Variants in IL17RD observed in about 807,000 individuals in gnomAD.
IL17RD encodes interleukin-17 receptor D.
Under a neutral mutation model 80.5 loss-of-function variants are expected in IL17RD, and 52 were observed. The observed-to-expected ratio is 0.65, with a 90% CI of 0.52 to 0.81. IL17RD has a LOEUF of 0.81. Among genes scored for constraint, IL17RD ranks in the 40% least tolerant of loss-of-function variants. IL17RD has a pLI of 0.00. For synonymous variants in IL17RD, 416 were observed against 391.8 expected (o/e 1.06, Z -0.73); for missense variants, 1,024 against 955.1 (o/e 1.07, Z -0.95).
At chr3:57,160,633 T>C (rs4602354) in intron 1 of IL17RD, among the ~76,000 whole-genome samples, 4 of 152,080 alleles carry the variant, frequency 2.6e-5, no homozygotes, top group Non-Finnish European at 5.9e-5. Flanking sequence ...CTTTTATCGG[T>C]CAGGGCTCTG....
At chr3:57,160,219 G>A (rs900879443) in intron 1 of IL17RD, among the ~76,000 whole-genome samples, 3 of 152,024 alleles carry the variant, frequency 2.0e-5, no homozygotes, top group Admixed American at 2.0e-4. Context: ...AATTGTTGAT[G>A]GGGTAGCCCC....
At position 57,101,325 on chromosome 3, in the gene IL17RD, A is replaced by G; in HGVS notation, c.1018T>C (p.Ser340Pro). The change falls in exon 11 of 13, where the codon TCT becomes CCT. Residue 340 changes from serine (S) to proline (P), a missense_variant. Ser to Pro is a moderately conservative substitution (Grantham distance 74, BLOSUM62 -1). Transcript: ENST00000296318. Reference sequence around the variant, plus strand: ...GGGAGTGCTGCAGTGTATGTGGAAGACTCAGAGCTCTCTTCATCTAAATGT... The same window carrying G: ...GGGAGTGCTGCAGTGTATGTGGAAGGCTCAGAGCTCTCTTCATCTAAATGT... ...YSHLDEESSESSTYTAALPRE... is the reference protein window; with the variant it reads ...YSHLDEESSEPSTYTAALPRE... 6.2e-7 allele frequency: 1 copy of G among 1,612,586 alleles called. No individual in the cohort carries two copies. The highest frequency in any genetic ancestry group is 8.5e-7 in the Non-Finnish European group (1 of 1,178,986).
At chr3:57,113,234 T>C (rs1335160739) in intron 3 of IL17RD, among the ~76,000 whole-genome samples, 2 of 152,130 alleles carry the variant, frequency 1.3e-5, no homozygotes, top group Non-Finnish European at 2.9e-5. Flanking sequence ...TCTTTTGTTT[T>C]TTATTTATTT....
chr3:57,142,004 A>G (rs1707838028), intron 1 of IL17RD, among the ~76,000 whole-genome samples: 1 of 152,130 alleles, frequency 6.6e-6, no homozygotes, highest in Non-Finnish European at 1.5e-5. Flanking sequence ...CCCATTGCCT[A>G]AACGCTCTTA....
At chr3:57,126,700 G>A (rs1355286819) in intron 1 of IL17RD, among the ~76,000 whole-genome samples, 2 of 152,120 alleles carry the variant, frequency 1.3e-5, no homozygotes, top group Non-Finnish European at 2.9e-5. Context: ...TAAATATAGC[G>A]CCCCTCTTCC....
chr3:57,106,221 C>CA, intron 5 of IL17RD, 67 bp from the exon 6 acceptor site: 1 of 1,159,990 alleles, frequency 8.6e-7, no homozygotes, highest in Non-Finnish European at 1.3e-6. Flanking sequence ...CTCCCAACAA[C>CA]CCAATGAAAT....
rs1246159104 is a variant in IL17RD, at chr3:57,127,412, A to ATATATATTTTTT, written c.127-7100_127-7099insAAAAAATATATA. Among the ~76,000 whole-genome samples, 15 of 91,190 alleles carry ATATATATTTTTT rather than the reference A, an allele frequency of 1.6e-4. 1 individual carries two copies. Among genetic ancestry groups the ATATATATTTTTT allele is most frequent in the African/African-American group, 6.8e-4 (14 of 20,468 alleles). The allele number at this position is 91,190 out of a possible 152,430, so 59.8% of individuals were successfully genotyped here. On this transcript the variant is annotated intron_variant, in intron 1 of 12. Transcript: ENST00000296318. ...AATAAATAAATATATATATATATAT[A>ATATATATTTTTT]TTTTTTTTTTGAGATAAGAGTCTTG... is the stretch of plus-strand genomic sequence containing the variant.
At chr3:57,133,545 G>A (rs983685190) in intron 1 of IL17RD, among the ~76,000 whole-genome samples, 27 of 152,276 alleles carry the variant, frequency 1.8e-4, no homozygotes, top group East Asian at 1.9e-4. Context: ...AATGTCATTC[G>A]GAGAAGGCAA....
chr3:57,163,804 G>A (rs2060324891), intron 1 of IL17RD, among the ~76,000 whole-genome samples: 1 of 89,198 alleles, frequency 1.1e-5, no homozygotes, highest in African/African-American at 4.6e-5. Context: ...GGGGGGGGAA[G>A]GGGGTGGCGG....
intron 2 of IL17RD, among the ~76,000 whole-genome samples, chr3:57,118,519 T>G (rs1707265819): frequency 6.6e-6 from 1 of 152,154 alleles, no homozygotes; most frequent in Middle Eastern, 3.2e-3. Flanking sequence ...TAAATATGAG[T>G]CAAGTTCCTT....
rs1560190938 is a variant in IL17RD at position 57,094,435 on chromosome 3, G to A, written c.*1958C>T. ...TCTCTTCCATTTTCTTAAGGAGTGAGTTCACATAGCAAGCTCTCTGCCCAC... is the reference window on the plus strand; with the variant it reads ...TCTCTTCCATTTTCTTAAGGAGTGAATTCACATAGCAAGCTCTCTGCCCAC... On this transcript the variant is annotated 3_prime_UTR_variant, in exon 13 of 13. Coordinates refer to ENST00000296318, the MANE Select transcript of IL17RD (RefSeq NM_017563.5). 6.6e-6 allele frequency: 1 copy of A among 152,064 alleles called. No homozygotes were observed. Among genetic ancestry groups the A allele is most frequent in the Non-Finnish European group, 1.5e-5 (1 of 68,026 alleles). 9.4% of individuals were successfully genotyped at this position (152,064 alleles called of 1,614,324 possible). A position where few individuals can be genotyped will look rare whatever the true frequency, so the allele number is the denominator to read the frequency against.
At chr3:57,102,732 TA>T in intron 9 of IL17RD, 143 bp from the exon 10 acceptor site, 1 of 485,344 alleles carries the variant, frequency 2.1e-6, no homozygotes, top group South Asian at 4.8e-5. Context: ...TTTGGTGATT[TA>T]AAAAGGATTC....
chr3:57,140,930 G>A (rs1213868656), intron 1 of IL17RD, among the ~76,000 whole-genome samples: 1 of 150,446 alleles, frequency 6.6e-6, no homozygotes, highest in Non-Finnish European at 1.5e-5. Flanking sequence ...GTCTCACTCT[G>A]TTGCCCAGGC....
rs1303101563 is a variant in IL17RD, at chr3:57,093,861, G to A, written c.*2532C>T. ...TGCTAAGTCCTTTCTGTAGCTCATT[G>A]GTAAGTTAAGATGAACAACTAGCAC... On this transcript the variant is annotated 3_prime_UTR_variant, in exon 13 of 13. Transcript: ENST00000296318. 1 of 152,140 alleles carries A rather than the reference G, an allele frequency of 6.6e-6. No individual in the cohort carries two copies. Among genetic ancestry groups the A allele is most frequent in the African/African-American group, 2.4e-5 (1 of 41,424 alleles). The allele number at this position is 152,140 out of a possible 1,614,324, so 9.4% of individuals were successfully genotyped here.
chr3:57,119,298 G>C (rs1316489745), intron 2 of IL17RD, among the ~76,000 whole-genome samples: 3 of 151,314 alleles, frequency 2.0e-5, no homozygotes, highest in Non-Finnish European at 4.4e-5. Context: ...CTTGCAGTGA[G>C]CCAAGATCGT....
chr3:57,127,072 G>A (rs1357978797), intron 1 of IL17RD, among the ~76,000 whole-genome samples: 4 of 149,794 alleles, frequency 2.7e-5, no homozygotes, highest in Non-Finnish European at 4.4e-5. Context: ...TGATCCACTC[G>A]CCTTGGCCTC....
intron 1 of IL17RD, among the ~76,000 whole-genome samples, chr3:57,158,257 T>C (rs955195798): frequency 1.4e-4 from 21 of 152,194 alleles, no homozygotes; most frequent in Non-Finnish European, 4.4e-5. Context: ...AGGTATGGAA[T>C]GAAGAAAGGT....
In IL17RD at chr3:57,125,412, G is replaced by GA. The variant is rs10713155; in HGVS notation, c.127-5100dup. 1.5e-3 allele frequency among the ~76,000 whole-genome samples: 215 copies of GA among 143,654 alleles called. 2 individuals carry two copies. Among genetic ancestry groups the GA allele is most frequent in the East Asian group, 7.3e-3 (36 of 4,960 alleles). 94.2% of individuals were successfully genotyped at this position (143,654 alleles called of 152,430 possible). The stretch of plus-strand genomic sequence containing the variant: ...AAAAGAGTGAGGCTCCATCTCTAAA[G>GA]AAAAAAAAAAAGTGTTTGAATAAAA... On this transcript the variant is annotated intron_variant, in intron 1 of 12. Coordinates refer to ENST00000296318, the MANE Select transcript of IL17RD (RefSeq NM_017563.5).
At chr3:57,165,093 C>G (rs2060338049) in intron 1 of IL17RD, 68 bp downstream of exon 1, 3 of 1,404,958 alleles carry the variant, frequency 2.1e-6, no homozygotes, top group Admixed American at 6.4e-5. Context: ...CGCCTCCCCG[C>G]GAGCACCTGT....
Sources: allele counts gnomAD v4.1 joint callset (sites outside exome capture counted in the v4.1 genomes callset), GRCh38; gene constraint gnomAD v4.1.1; transcripts MANE v1.5; gene names NCBI Gene and HGNC (gene_info 2026-07-23, HGNC 2026-07-21).